The following AP2A1 variants were observed in gnomAD, a reference collection of about 807,000 sequenced individuals.
The protein encoded by AP2A1 is adaptor related protein complex 2 subunit alpha 1.
Under a neutral mutation model 107.3 loss-of-function variants are expected in AP2A1, and 21 were observed. The ratio of observed to expected loss-of-function variants is 0.20; its 90% confidence interval spans 0.14 to 0.28. AP2A1 has a LOEUF of 0.28. Among genes scored for constraint, AP2A1 ranks in the 10% least tolerant of loss-of-function variants. AP2A1 has a pLI of 1.00. For missense variants in AP2A1, 873 were observed against 1,307.7 expected (o/e 0.67, Z 5.13); for synonymous variants, 602 against 564.8 (o/e 1.07, Z -0.93).
At chr19:49,767,222 A>C (rs1193484058) in intron 1 of AP2A1, 22 bp downstream of exon 1, 2 of 1,608,544 alleles carry the variant, frequency 1.2e-6, no homozygotes, top group Non-Finnish European at 1.7e-6. Context: ...GCCGGGGGAC[A>C]CTGGAGACGC....
At chr19:49,806,516 C>T in intron 22 of AP2A1, 165 bp from the exon 23 acceptor site, 5 of 1,442,620 alleles carry the variant, frequency 3.5e-6, no homozygotes, top group South Asian at 1.5e-5. Flanking sequence ...TTATAATTTT[C>T]TTCCTCTCTG....
At position 49,799,774 on chromosome 19, in the gene AP2A1, C is replaced by T; in HGVS notation, c.1272+8C>T. 1 of 1,611,994 alleles carries T rather than the reference C, an allele frequency of 6.2e-7. No homozygotes were observed. The highest frequency in any genetic ancestry group is 8.5e-7 in the Non-Finnish European group (1 of 1,179,256). Reference sequence around the variant, plus strand: ...GCCATCCGCGAGGAGATCGTGAGTGCTGTGGGGTGCGGGCTGGACTCTTGG... The same window carrying T: ...GCCATCCGCGAGGAGATCGTGAGTGTTGTGGGGTGCGGGCTGGACTCTTGG... On this transcript the variant is annotated splice_region_variant and intron_variant, in intron 10 of 22. Coordinates refer to ENST00000354293, the MANE Select transcript of AP2A1 (RefSeq NM_130787.3).
chr19:49,790,933 T>TTC (rs1439315964), intron 4 of AP2A1, among the ~76,000 whole-genome samples: 8 of 152,348 alleles, frequency 5.3e-5, no homozygotes, highest in African/African-American at 1.9e-4. Flanking sequence ...ATCACGCTGA[T>TTC]TCTCTGCTCA....
chr19:49,806,230 C>A lies in AP2A1; in HGVS notation c.2767C>A (p.Leu923Met). ...KALQVGCLLR[L>M]EPNAQAQMYR... ...CCTGCAGGTGGGCTGTCTGCTTCGG[C>A]TGGAGCCCAATGCCCAGGCCCAGGT... Residue 923 changes from leucine (L) to methionine (M), a missense_variant, in exon 22 of 23, where the codon CTG (leucine) becomes ATG (methionine). Leu to Met is a conservative substitution (Grantham distance 15). This residue lies in a region of AP2A1 where 416 missense variants were observed against 473.4 expected (regional missense o/e 0.88). Transcript: ENST00000354293. 1 of 1,607,670 alleles carries A rather than the reference C, an allele frequency of 6.2e-7. No homozygotes were observed. Among genetic ancestry groups the A allele is most frequent in the South Asian group, 1.1e-5 (1 of 89,690 alleles).
In AP2A1 at chr19:49,806,350, C is replaced by G. The variant is rs904337379; in HGVS notation, c.2790+97C>G. Reference sequence around the variant, plus strand: ...CTCACTGTTCTTTAATTCACGTCCCCACTTTGACCCTCCTCCTCTCACATT... The same window carrying G: ...CTCACTGTTCTTTAATTCACGTCCCGACTTTGACCCTCCTCCTCTCACATT... On this transcript the variant is annotated intron_variant, in intron 22 of 22. Coordinates refer to ENST00000354293, the MANE Select transcript of AP2A1 (RefSeq NM_130787.3). 2.7e-5 allele frequency: 38 copies of G among 1,415,556 alleles called. No homozygotes were observed. The African/African-American group carries it at 3.8e-4, about 14-fold the overall frequency. The allele number at this position is 1,415,556 out of a possible 1,614,324, so 87.7% of individuals were successfully genotyped here. A position where few individuals can be genotyped will look rare whatever the true frequency, so the allele number is the denominator to read the frequency against.
intron 21 of AP2A1, 87 bp downstream of exon 21, chr19:49,806,028 C>T: frequency 6.2e-7 from 1 of 1,610,294 alleles, no homozygotes; most frequent in Non-Finnish European, 8.5e-7. Context: ...GGGGCCAATT[C>T]CCATCCCCAA....
At chr19:49,795,602 C>CCCCCAAA in intron 6 of AP2A1, 28 bp from the exon 7 acceptor site, 7 of 1,236,808 alleles carry the variant, frequency 5.7e-6, no homozygotes, top group Non-Finnish European at 5.8e-6. Context: ...CCCCAGCCCC[C>CCCCCAAA]AACTTATTTC....
intron 11 of AP2A1, 86 bp from the exon 12 acceptor site, chr19:49,800,875 C>A: frequency 8.9e-7 from 1 of 1,118,226 alleles, no homozygotes; most frequent in Non-Finnish European, 1.3e-6. Context: ...TTTCAGTGTT[C>A]CACCAGTCAG....
chr19:49,791,703 G>A (rs2073144160), intron 4 of AP2A1, among the ~76,000 whole-genome samples: 1 of 152,154 alleles, frequency 6.6e-6, no homozygotes, highest in African/African-American at 2.4e-5. Context: ...AGCCAGGCTT[G>A]ACATGTTCCT....
chr19:49,792,901 A>G, intron 5 of AP2A1, 90 bp from the exon 6 acceptor site: 1 of 1,144,124 alleles, frequency 8.7e-7, no homozygotes, highest in South Asian at 1.4e-5. Flanking sequence ...CCGACTGCAC[A>G]CACATCCCGA....
intron 18 of AP2A1, 63 bp from the exon 19 acceptor site, chr19:49,805,390 C>A: frequency 6.8e-7 from 1 of 1,466,748 alleles, no homozygotes; most frequent in Non-Finnish European, 9.1e-7. Context: ...CTCTGGGGTT[C>A]CTGACCCAGA....
chr19:49,805,377 G>A, intron 18 of AP2A1, 76 bp from the exon 19 acceptor site: 1 of 1,440,886 alleles, frequency 6.9e-7, no homozygotes, highest in South Asian at 1.4e-5. Context: ...GAGCTGCCGG[G>A]AGCTCTGGGG....
At chr19:49,806,398 T>C in intron 22 of AP2A1, 145 bp downstream of exon 22, 1 of 1,437,906 alleles carries the variant, frequency 7.0e-7, no homozygotes, top group Non-Finnish European at 9.1e-7. Context: ...TTTACTCCTC[T>C]TTATCTATCA....
intron 1 of AP2A1, among the ~76,000 whole-genome samples, chr19:49,775,501 T>TA: frequency 1.3e-5 from 2 of 152,130 alleles, no homozygotes; most frequent in Admixed American, 1.3e-4. Flanking sequence ...TTTTAGTAGA[T>TA]ATGGGATTTT....
At chr19:49,796,345 T>C (rs1197057235) in intron 7 of AP2A1, 1 of 152,390 alleles carries the variant, frequency 6.6e-6, no homozygotes, top group African/African-American at 2.4e-5. Flanking sequence ...TAAGTGGCAG[T>C]TGGCCCCCAG....
At chr19:49,787,185 CT>C (rs540869888) in intron 4 of AP2A1, among the ~76,000 whole-genome samples, 110 of 142,200 alleles carry the variant, frequency 7.7e-4, no homozygotes, top group Non-Finnish European at 5.7e-4. Context: ...TTTTGTATTT[CT>C]TTTTTTTTTT....
intron 18 of AP2A1, chr19:49,803,635 G>A: frequency 5.9e-6 from 3 of 511,870 alleles, no homozygotes; most frequent in East Asian, 3.7e-5. Flanking sequence ...TCCCTGTCTG[G>A]CACCTTCCGT....
chr19:49,770,171 G>A (rs2084542682), intron 1 of AP2A1, among the ~76,000 whole-genome samples: 1 of 152,144 alleles, frequency 6.6e-6, no homozygotes, highest in South Asian at 2.1e-4. Context: ...ACCCAGCCTG[G>A]GATACAACTT....
chr19:49,806,530 CCT>C, intron 22 of AP2A1, 149 bp from the exon 23 acceptor site: 1 of 1,461,952 alleles, frequency 6.8e-7, no homozygotes, highest in Non-Finnish European at 9.0e-7. Flanking sequence ...CTCTCTGGCG[CCT>C]CTGTTGATTT....
Sources: gnomAD v4.1 joint callset for allele counts (sites outside exome capture counted in the v4.1 genomes callset) on GRCh38, gnomAD v4.1.1 for gene constraint, gnomAD v4.1.1 regional missense constraint, MANE v1.5 for transcripts, NCBI Gene and HGNC (gene_info 2026-07-23, HGNC 2026-07-21) for gene names.